The following ADAM12 variants were observed in gnomAD, a reference collection of about 807,000 sequenced individuals.
ADAM12 encodes the protein ADAM metallopeptidase domain 12.
In ADAM12, 70 loss-of-function variants were observed where a neutral mutation model predicts 106.4. That is an observed-to-expected ratio of 0.66 (90% confidence interval 0.54 to 0.80). The LOEUF (loss-of-function observed/expected upper bound fraction) is 0.80, where lower values mean the gene tolerates loss of function less well. Ranked by LOEUF, ADAM12 falls within the 30% of genes least tolerant of loss-of-function variation. ADAM12 has a pLI of 0.00. For missense variants in ADAM12, 1,010 were observed against 1,171.9 expected, an observed-to-expected ratio of 0.86 and a Z score of 2.02; for synonymous variants, 420 against 433.5, an observed-to-expected ratio of 0.97 and a Z score of 0.39.
At chr10:126,189,507 C>A (rs553579422) in intron 3 of ADAM12, among the ~76,000 whole-genome samples, 1 of 152,184 alleles carries the variant, frequency 6.6e-6, no homozygotes, top group East Asian at 1.9e-4. Context: ...CTCTACTCTA[C>A]GGATACCACC....
At chr10:126,041,936 C>T (rs1954181910) in intron 18 of ADAM12, 1 of 1,414,210 alleles carries the variant, frequency 7.1e-7, no homozygotes, top group Non-Finnish European at 9.2e-7. Flanking sequence ...AAGTCGCTGC[C>T]CTTCCTTGCA....
intron 3 of ADAM12, among the ~76,000 whole-genome samples, chr10:126,158,036 T>A (rs1163412624): frequency 6.6e-6 from 1 of 152,002 alleles, no homozygotes; most frequent in East Asian, 1.9e-4. Flanking sequence ...ACAGGCGAGG[T>A]GAACGAATGT....
chr10:126,304,575 G>A (rs1960762707), intron 2 of ADAM12, among the ~76,000 whole-genome samples: 1 of 152,034 alleles, frequency 6.6e-6, no homozygotes, highest in Admixed American at 6.5e-5. Context: ...GCAAAGAGCA[G>A]TAAATGATAT....
intron 3 of ADAM12, among the ~76,000 whole-genome samples, chr10:126,255,421 G>A (rs920091817): frequency 1.3e-5 from 2 of 152,012 alleles, no homozygotes; most frequent in Non-Finnish European, 2.9e-5. Flanking sequence ...TCCTCCCCAC[G>A]GCTCCACCTC....
intron 2 of ADAM12, among the ~76,000 whole-genome samples, chr10:126,326,005 A>G (rs1332648992): frequency 6.6e-6 from 1 of 152,200 alleles, no homozygotes; most frequent in Non-Finnish European, 1.5e-5. Context: ...CCACTAAATT[A>G]TCAGTGGCAG....
At chr10:126,161,817 C>A (rs1458108154) in intron 3 of ADAM12, among the ~76,000 whole-genome samples, 1 of 152,128 alleles carries the variant, frequency 6.6e-6, no homozygotes, top group Admixed American at 6.5e-5. Flanking sequence ...GGCCTTGGAG[C>A]CTGCAGATTT....
At position 126,372,461 on chromosome 10, in the gene ADAM12, A is replaced by G. The variant is rs1856143616; in HGVS notation, c.88+15597T>C. On this transcript the variant is annotated intron_variant, in intron 1 of 22. Coordinates refer to ENST00000448723, the MANE Select transcript of ADAM12 (RefSeq NM_001288973.2). Reference sequence around the variant, plus strand: ...GGTTCCTCAAGGTCACACAGCCATAAAGAGGCCAAGCCAGAACTCAGAGCC... The same window carrying G: ...GGTTCCTCAAGGTCACACAGCCATAGAGAGGCCAAGCCAGAACTCAGAGCC... 2.6e-5 allele frequency among the ~76,000 whole-genome samples: 4 copies of G among 152,298 alleles called. No individual in the cohort carries two copies. In the South Asian group the frequency reaches 8.3e-4, roughly 32 times the overall value.
chr10:126,044,047 C>T (rs1954249914), intron 17 of ADAM12, among the ~76,000 whole-genome samples: 1 of 152,092 alleles, frequency 6.6e-6, no homozygotes, highest in Non-Finnish European at 1.5e-5. Context: ...TGGTTGGACT[C>T]GCTATTATGC....
intron 2 of ADAM12, among the ~76,000 whole-genome samples, chr10:126,315,603 A>C (rs1479945349): frequency 2.6e-5 from 4 of 152,094 alleles, no homozygotes; most frequent in Non-Finnish European, 5.9e-5. Context: ...TGGCAGCTGC[A>C]TTCCCAGAAA....
intron 1 of ADAM12, among the ~76,000 whole-genome samples, chr10:126,376,884 T>C (rs561835484): frequency 6.6e-6 from 1 of 152,326 alleles, no homozygotes; most frequent in South Asian, 2.1e-4. Context: ...CTGAGCACTG[T>C]TCAAAGCACT....
chr10:126,111,035 T>A (rs1189979506), intron 6 of ADAM12, among the ~76,000 whole-genome samples: 1 of 152,220 alleles, frequency 6.6e-6, no homozygotes, highest in Non-Finnish European at 1.5e-5. Flanking sequence ...CACATAATCC[T>A]GAGGGAAACA....
intron 1 of ADAM12, among the ~76,000 whole-genome samples, chr10:126,346,819 G>GT (rs1369538998): frequency 6.6e-6 from 1 of 152,132 alleles, no homozygotes; most frequent in Non-Finnish European, 1.5e-5. Context: ...TTTAAAGTCT[G>GT]TTTTATCAGA....
chr10:126,197,876 G>A (rs1056224730), intron 3 of ADAM12, among the ~76,000 whole-genome samples: 1 of 152,188 alleles, frequency 6.6e-6, no homozygotes, highest in Non-Finnish European at 1.5e-5. Context: ...AGGCCTGAAA[G>A]CCCCAGACAG....
At chr10:126,258,173 T>C (rs1373677741) in intron 3 of ADAM12, among the ~76,000 whole-genome samples, 10 of 152,202 alleles carry the variant, frequency 6.6e-5, no homozygotes, top group African/African-American at 2.4e-4. Flanking sequence ...ACATTTAAAA[T>C]AATGTAAGCA....
intron 8 of ADAM12, 101 bp from the exon 9 acceptor site, chr10:126,101,342 A>G: frequency 1.7e-6 from 2 of 1,183,704 alleles, no homozygotes; most frequent in Non-Finnish European, 1.2e-6. Flanking sequence ...GGTCACTGAC[A>G]CAGGTGAGAA....
At chr10:126,305,717 T>C (rs184561790) in intron 2 of ADAM12, among the ~76,000 whole-genome samples, 26 of 152,196 alleles carry the variant, frequency 1.7e-4, no homozygotes, top group African/African-American at 5.3e-4. Flanking sequence ...TTCTATGGTA[T>C]ATATTTTGAA....
At chr10:126,178,406 ATCTTT>A (rs1268222535) in intron 3 of ADAM12, among the ~76,000 whole-genome samples, 4 of 120,868 alleles carry the variant, frequency 3.3e-5, no homozygotes, top group African/African-American at 1.4e-4. Context: ...ATTGGAGGAC[ATCTTT>A]TTTTTTTTTT....
intron 5 of ADAM12, among the ~76,000 whole-genome samples, chr10:126,122,538 G>C (rs149995238): frequency 2.0e-4 from 31 of 152,296 alleles, no homozygotes; most frequent in African/African-American, 7.2e-4. Flanking sequence ...GAGGTGGGTG[G>C]ATCACCTGTG....
chr10:126,369,136 A>C (rs1856019706), intron 1 of ADAM12, among the ~76,000 whole-genome samples: 1 of 152,130 alleles, frequency 6.6e-6, no homozygotes, highest in African/African-American at 2.4e-5. Flanking sequence ...TTTCAAAAAG[A>C]CTTTCCAAAT....
Sources: gnomAD v4.1 joint callset for allele counts (sites outside exome capture counted in the v4.1 genomes callset) on GRCh38, gnomAD v4.1.1 for gene constraint, MANE v1.5 for transcripts, NCBI Gene and HGNC (gene_info 2026-07-23, HGNC 2026-07-21) for gene names.